DLG2: variants seen among roughly 807,000 people sequenced by gnomAD.
The protein encoded by DLG2 is discs large MAGUK scaffold protein 2.
In DLG2, 45 loss-of-function variants were observed where a neutral mutation model predicts 132.5. The ratio of observed to expected loss-of-function variants is 0.34; its 90% CI spans 0.27 to 0.44. DLG2 has a LOEUF of 0.44. Among genes scored for constraint, DLG2 ranks in the 20% least tolerant of loss-of-function variants. The pLI, the probability that DLG2 is intolerant of heterozygous loss-of-function variation, is 1.00. For synonymous variants in DLG2, 424 were observed against 419.6 expected (o/e 1.01, Z -0.13); for missense variants, 1,045 against 1,196.9 (o/e 0.87, Z 1.87).
At chr11:84,251,586 T>C (rs1188976122) in intron 7 of DLG2, among the ~76,000 whole-genome samples, 1 of 151,582 alleles carries the variant, frequency 6.6e-6, no homozygotes, top group Non-Finnish European at 1.5e-5. Flanking sequence ...CTGCTATGTG[T>C]AAGGCAAGGA....
chr11:84,864,793 T>C (rs935064241), intron 6 of DLG2, among the ~76,000 whole-genome samples: 3 of 152,060 alleles, frequency 2.0e-5, no homozygotes, highest in Admixed American at 2.0e-4. Flanking sequence ...TCGGGAAAGC[T>C]TTACGGAGGA....
chr11:85,202,003 C>T (rs1565150990), intron 4 of DLG2, among the ~76,000 whole-genome samples: 2 of 151,302 alleles, frequency 1.3e-5, no homozygotes, highest in African/African-American at 4.9e-5. Flanking sequence ...AGCTTAAAGA[C>T]AAACTATTTA....
chr11:83,613,594 T>G (rs2060407884), intron 19 of DLG2, among the ~76,000 whole-genome samples: 1 of 152,174 alleles, frequency 6.6e-6, no homozygotes, highest in Non-Finnish European at 1.5e-5. Context: ...GTTTCCAAAT[T>G]CTGAGTCAAC....
intron 4 of DLG2, among the ~76,000 whole-genome samples, chr11:85,191,142 ATG>A (rs1566986551): frequency 4.9e-5 from 7 of 141,732 alleles, no homozygotes; most frequent in African/African-American, 8.0e-5. Context: ...GTCTATATGC[ATG>A]CGCGCGCGCG....
chr11:85,453,364 T>C, intron 3 of DLG2: 1 of 222,844 alleles, frequency 4.5e-6, no homozygotes, highest in Non-Finnish European at 9.5e-6. Context: ...GCTCACAAAA[T>C]TGAATCTGAG....
At chr11:83,849,810 T>G (rs1174795487) in intron 16 of DLG2, among the ~76,000 whole-genome samples, 3 of 151,872 alleles carry the variant, frequency 2.0e-5, no homozygotes, top group Admixed American at 1.3e-4. Flanking sequence ...GAATTTCTTA[T>G]TTACCCAGAA....
intron 17 of DLG2, among the ~76,000 whole-genome samples, chr11:83,794,278 A>G (rs918767832): frequency 7.9e-5 from 12 of 152,094 alleles, no homozygotes; most frequent in African/African-American, 2.4e-4. Context: ...CAGTCTTTCA[A>G]ACTTTTCAAG....
chr11:85,596,241 T>G (rs1159974683), intron 3 of DLG2, among the ~76,000 whole-genome samples: 2 of 151,924 alleles, frequency 1.3e-5, no homozygotes, highest in African/African-American at 4.8e-5. Flanking sequence ...TACAAAAAAT[T>G]AGCCAGGTGT....
chr11:84,392,154 G>A (rs541500042), intron 7 of DLG2, among the ~76,000 whole-genome samples: 4 of 152,126 alleles, frequency 2.6e-5, no homozygotes, highest in African/African-American at 7.2e-5. Flanking sequence ...CCTTAAATGA[G>A]ACCTGGATCT....
chr11:83,501,835 C>T (rs1282438205), intron 21 of DLG2, among the ~76,000 whole-genome samples: 3 of 152,046 alleles, frequency 2.0e-5, no homozygotes, highest in Non-Finnish European at 2.9e-5. Flanking sequence ...CACATTAGGC[C>T]CCTTCTCTGA....
chr11:84,680,168 A>G (rs2099725117), intron 6 of DLG2, among the ~76,000 whole-genome samples: 1 of 152,110 alleles, frequency 6.6e-6, no homozygotes, highest in African/African-American at 2.4e-5. Flanking sequence ...AACCATAGTC[A>G]ACCTCCTTCC....
intron 18 of DLG2, among the ~76,000 whole-genome samples, chr11:83,719,085 C>A (rs2087616195): frequency 6.6e-6 from 1 of 152,218 alleles, no homozygotes; most frequent in Non-Finnish European, 1.5e-5. Context: ...TTTAAAAATA[C>A]CCTGCACAGC....
chr11:84,380,530 C>T (rs552950425), intron 7 of DLG2, among the ~76,000 whole-genome samples: 1 of 151,932 alleles, frequency 6.6e-6, no homozygotes, highest in South Asian at 2.1e-4. Context: ...GAAAACTAAA[C>T]AGCAATAATA....
intron 5 of DLG2, among the ~76,000 whole-genome samples, chr11:85,141,794 C>T (rs1594781792): frequency 6.6e-6 from 1 of 151,794 alleles, no homozygotes; most frequent in African/African-American, 2.4e-5. Context: ...TTTCCTGGCA[C>T]AATTTATTAA....
At chr11:85,418,423 T>G (rs551446238) in intron 3 of DLG2, among the ~76,000 whole-genome samples, 2 of 152,328 alleles carry the variant, frequency 1.3e-5, no homozygotes, top group South Asian at 4.1e-4. Context: ...ATTCTGTTGA[T>G]TTGGGGTGGA....
intron 18 of DLG2, among the ~76,000 whole-genome samples, chr11:83,715,936 A>G (rs531565688): frequency 3.1e-4 from 47 of 152,272 alleles, no homozygotes; most frequent in African/African-American, 1.1e-3. Flanking sequence ...CATTAGGCTG[A>G]ATTAAGCATT....
Position 84,493,328 on chromosome 11 carries a change from A to G in DLG2, c.519+41242T>C, listed in dbSNP as rs1343088129. 2.0e-5 allele frequency among the ~76,000 whole-genome samples: 3 copies of G among 152,130 alleles called. No individual in the cohort carries two copies. In the East Asian group the frequency reaches 5.8e-4, roughly 29 times the overall value. ...AGTGAAATTAGTTTTGCTAAGCAGA[A>G]CAAAGACAATGATCAGTCTCTGCTT... On this transcript the variant is annotated intron_variant, in intron 7 of 27. Coordinates refer to ENST00000376104, the MANE Select transcript of DLG2 (RefSeq NM_001142699.3).
intron 6 of DLG2, among the ~76,000 whole-genome samples, chr11:85,068,725 C>G (rs2065310242): frequency 6.6e-6 from 1 of 152,054 alleles, no homozygotes; most frequent in South Asian, 2.1e-4. Context: ...GGCCATACAG[C>G]CCAAGGAAAT....
At chr11:84,694,578 C>T (rs1351490040) in intron 6 of DLG2, among the ~76,000 whole-genome samples, 1 of 151,400 alleles carries the variant, frequency 6.6e-6, no homozygotes, top group Non-Finnish European at 1.5e-5. Flanking sequence ...TCTCTGTCGA[C>T]CTACGACATG....
Sources: allele counts gnomAD v4.1 joint callset (sites outside exome capture counted in the v4.1 genomes callset), GRCh38; gene constraint gnomAD v4.1.1; transcripts MANE v1.5; gene names NCBI Gene and HGNC (gene_info 2026-07-23, HGNC 2026-07-21).